The following BIRC2 variants were observed in gnomAD, a reference collection of about 807,000 sequenced individuals.
The protein encoded by BIRC2 is baculoviral IAP repeat containing 2, also known as baculoviral IAP repeat-containing protein 2.
BIRC2 carries 18 observed loss-of-function variants against 60.9 expected under a neutral mutation model. The observed-to-expected ratio is 0.30, with a 90% confidence interval of 0.20 to 0.44. BIRC2 has a LOEUF of 0.44. Among genes scored for constraint, BIRC2 ranks in the 20% least tolerant of loss-of-function variants. The pLI, the probability that BIRC2 is intolerant of heterozygous loss-of-function variation, is 1.00. For missense variants in BIRC2, 701 were observed against 728.5 expected, an observed-to-expected ratio of 0.96 and a Z score of 0.43; for synonymous variants, 282 against 247.7, an observed-to-expected ratio of 1.14 and a Z score of -1.30.
At position 102,368,408 on chromosome 11, in the gene BIRC2, T is replaced by G; in HGVS notation, c.1226T>G (p.Val409Gly). Residue 409 changes from valine to glycine, a missense_variant, in exon 6 of 9, where the codon GTG becomes GGG. Physicochemically the swap from Val to Gly is moderately radical, Grantham distance 109 (BLOSUM62 -3). Coordinates refer to ENST00000227758, the MANE Select transcript of BIRC2 (RefSeq NM_001166.5). Reference protein sequence around the residue: ...ALEMGFNRDLVKQTVQSKILT... With the variant: ...ALEMGFNRDLGKQTVQSKILT... The stretch of plus-strand genomic sequence containing the variant: ...GAAATGGGCTTTAATAGAGACCTGG[T>G]GAAACAAACAGTTCAAAGTAAAATC... 6.2e-7 allele frequency: 1 copy of G among 1,614,002 alleles called. No homozygotes were observed. Among genetic ancestry groups the G allele is most frequent in the Admixed American group, 1.7e-5 (1 of 60,012 alleles).
chr11:102,354,457 G>C (rs1237390537), intron 3 of BIRC2, among the ~76,000 whole-genome samples: 1 of 152,170 alleles, frequency 6.6e-6, no homozygotes, highest in African/African-American at 2.4e-5. Context: ...GATCCACCCG[G>C]AGTGGATGGG....
At chr11:102,374,490 G>A (rs1405326227) in intron 6 of BIRC2, among the ~76,000 whole-genome samples, 37 of 149,572 alleles carry the variant, frequency 2.5e-4, no homozygotes, top group South Asian at 2.2e-4. Context: ...GGGGGTCAGG[G>A]GTCAGGGACC....
At chr11:102,354,203 G>GATTTT (rs1178427519) in intron 3 of BIRC2, among the ~76,000 whole-genome samples, 1 of 152,068 alleles carries the variant, frequency 6.6e-6, no homozygotes, top group Non-Finnish European at 1.5e-5. Flanking sequence ...CAGATGGTAG[G>GATTTT]ATTTTATTTT....
intron 6 of BIRC2, among the ~76,000 whole-genome samples, chr11:102,376,426 A>C (rs955238939): frequency 3.9e-5 from 6 of 152,254 alleles, no homozygotes; most frequent in Admixed American, 2.6e-4. Context: ...TATAGTTTTG[A>C]GATTAATAGA....
intron 3 of BIRC2, among the ~76,000 whole-genome samples, chr11:102,351,640 A>G (rs994998608): frequency 4.0e-5 from 6 of 148,662 alleles, no homozygotes; most frequent in African/African-American, 1.5e-4. Context: ...AAAAAAAAGA[A>G]AAAAGCATAT....
At chr11:102,352,320 T>A (rs1305324382) in intron 3 of BIRC2, among the ~76,000 whole-genome samples, 1 of 152,064 alleles carries the variant, frequency 6.6e-6, no homozygotes, top group African/African-American at 2.4e-5. Context: ...TTCACCATGT[T>A]AGACAGGATG....
chr11:102,361,770 G>T (rs1951487828), intron 3 of BIRC2, among the ~76,000 whole-genome samples: 2 of 151,590 alleles, frequency 1.3e-5, no homozygotes, highest in South Asian at 4.2e-4. Flanking sequence ...CTCACCCCTT[G>T]TTCTTAGCCA....
rs1389968594 is a variant in BIRC2 at position 102,364,174 on chromosome 11, T to TATATAC, written c.1123+459_1123+460insTATACA. 8.0e-3 allele frequency among the ~76,000 whole-genome samples: 619 copies of TATATAC among 77,808 alleles called. 11 individuals are homozygous for TATATAC. Among genetic ancestry groups the TATATAC allele is most frequent in the South Asian group, 0.018 (42 of 2,328 alleles). 51.0% of individuals were successfully genotyped at this position (77,808 alleles called of 152,430 possible). ...ATATATATATATATATATATATATA[T>TATATAC]ACACACACACACAGAGAGAGAGAGA... On this transcript the variant is annotated intron_variant, in intron 5 of 8. Transcript: ENST00000227758.
chr11:102,359,002 T>C (rs1158562315), intron 3 of BIRC2, among the ~76,000 whole-genome samples: 1 of 152,230 alleles, frequency 6.6e-6, no homozygotes. Context: ...ATTTTGTAAT[T>C]GTTTTCTGAT....
intron 6 of BIRC2, among the ~76,000 whole-genome samples, chr11:102,372,582 TC>T (rs1398078926): frequency 2.0e-5 from 3 of 149,336 alleles, no homozygotes; most frequent in Non-Finnish European, 4.5e-5. Flanking sequence ...GAGCTTTACT[TC>T]CAACTATGTG....
chr11:102,360,362 C>T (rs190071528), intron 3 of BIRC2, among the ~76,000 whole-genome samples: 3 of 151,174 alleles, frequency 2.0e-5, no homozygotes, highest in Admixed American at 6.6e-5. Context: ...TTTTTCTCCT[C>T]TGACTAGATA....
At chr11:102,365,366 T>A (rs1454728978) in intron 5 of BIRC2, among the ~76,000 whole-genome samples, 1 of 152,140 alleles carries the variant, frequency 6.6e-6, no homozygotes, top group African/African-American at 2.4e-5. Context: ...ATGTCCCCAT[T>A]CAGCTATTAC....
At chr11:102,363,549 ATCAC>A (rs1437463898) in intron 4 of BIRC2, 115 bp from the exon 5 acceptor site, 20 of 621,348 alleles carry the variant, frequency 3.2e-5, no homozygotes, top group African/African-American at 2.4e-4. Flanking sequence ...AAGGTCATAA[ATCAC>A]TCAGTTCTCA....
In BIRC2 at chr11:102,377,972, G is replaced by A. The variant is rs999837490; in HGVS notation, c.1664-18G>A. ...ATGAAGTGGAAACAATTTCACTAAA[G>A]TTATTTTTTGTTATTAGGTCTGTCA... is the stretch of plus-strand genomic sequence containing the variant. On this transcript the variant is annotated intron_variant, in intron 8 of 8. Coordinates refer to ENST00000227758, the MANE Select transcript of BIRC2 (RefSeq NM_001166.5). The A allele has an allele frequency of 6.9e-6, 11 of 1,599,948 alleles. No individual in the cohort carries two copies. The African/African-American group carries it at 1.5e-4, about 22-fold the overall frequency.
chr11:102,372,056 C>T (rs1456157488), intron 6 of BIRC2, among the ~76,000 whole-genome samples: 2 of 152,142 alleles, frequency 1.3e-5, no homozygotes, highest in African/African-American at 2.4e-5. Flanking sequence ...ATTCTTCTCT[C>T]TTTTCTTCTT....
intron 3 of BIRC2, among the ~76,000 whole-genome samples, chr11:102,358,351 A>G (rs1951446134): frequency 6.6e-6 from 1 of 152,166 alleles, no homozygotes; most frequent in Non-Finnish European, 1.5e-5. Flanking sequence ...TTGGTTTTGC[A>G]TTTTTGGATT....
At chr11:102,360,180 T>C (rs1951470130) in intron 3 of BIRC2, among the ~76,000 whole-genome samples, 1 of 152,182 alleles carries the variant, frequency 6.6e-6, no homozygotes, top group African/African-American at 2.4e-5. Context: ...TTGGCCAGGC[T>C]GGTCTTGAAC....
At chr11:102,353,817 A>C (rs1951390115) in intron 3 of BIRC2, among the ~76,000 whole-genome samples, 1 of 151,132 alleles carries the variant, frequency 6.6e-6, no homozygotes, top group Non-Finnish European at 1.5e-5. Context: ...GTGTTCTTTA[A>C]CCAACATCTT....
chr11:102,364,410 G>A (rs1943781), intron 5 of BIRC2, among the ~76,000 whole-genome samples: 26,932 of 151,698 alleles, frequency 0.18, 3,344 homozygotes, highest in African/African-American at 0.34. Context: ...GCTGTGAGTT[G>A]GCATGATTTG....
Sources: allele counts gnomAD v4.1 joint callset (sites outside exome capture counted in the v4.1 genomes callset), GRCh38; gene constraint gnomAD v4.1.1; transcripts MANE v1.5; gene names NCBI Gene and HGNC (gene_info 2026-07-23, HGNC 2026-07-21).